Variants in KANSL1L observed in about 807,000 individuals in gnomAD.
The protein encoded by KANSL1L is KAT8 regulatory NSL complex subunit 1-like protein.
A neutral mutation model predicts 108.6 loss-of-function variants in KANSL1L; 25 were observed. The observed-to-expected ratio is 0.23, with a 90% CI of 0.17 to 0.32. The LOEUF is 0.32. KANSL1L is among the 10% of genes least tolerant of loss of function. The pLI, the probability that KANSL1L is intolerant of heterozygous loss-of-function variation, is 1.00. For synonymous variants in KANSL1L, 405 were observed against 395.1 expected, an observed-to-expected ratio of 1.03 and a Z score of -0.30; for missense variants, 1,137 against 1,125.7, an observed-to-expected ratio of 1.01 and a Z score of -0.14.
chr2:210,025,742 T>G (rs1047289478), intron 12 of KANSL1L, among the ~76,000 whole-genome samples: 1 of 152,144 alleles, frequency 6.6e-6, no homozygotes, highest in African/African-American at 2.4e-5. Flanking sequence ...TAGACACGGG[T>G]CTCTGTCGCC....
intron 2 of KANSL1L, among the ~76,000 whole-genome samples, chr2:210,146,071 T>C (rs1185681883): frequency 1.3e-5 from 2 of 152,098 alleles, no homozygotes; most frequent in Admixed American, 6.5e-5. Context: ...ATCACCTCAA[T>C]GGCAAAAGAT....
intron 6 of KANSL1L, among the ~76,000 whole-genome samples, chr2:210,072,343 T>A (rs1427045442): frequency 6.6e-6 from 1 of 152,234 alleles, no homozygotes; most frequent in African/African-American, 2.4e-5. Flanking sequence ...CTACACAGTG[T>A]TATCCTCCCT....
chr2:210,066,567 C>CA (rs1398265803), intron 6 of KANSL1L, among the ~76,000 whole-genome samples: 4 of 152,198 alleles, frequency 2.6e-5, no homozygotes, highest in Non-Finnish European at 5.9e-5. Flanking sequence ...CAAAAACCTA[C>CA]ACGGTGTCAC....
intron 5 of KANSL1L, among the ~76,000 whole-genome samples, chr2:210,077,895 A>G (rs2094553434): frequency 6.6e-6 from 1 of 152,236 alleles, no homozygotes; most frequent in Admixed American, 6.5e-5. Flanking sequence ...GCTGGCTTAA[A>G]GATAATTGGA....
chr2:210,161,138 G>A (rs868390012), intron 1 of KANSL1L, among the ~76,000 whole-genome samples: 2 of 151,766 alleles, frequency 1.3e-5, no homozygotes, highest in Admixed American at 1.3e-4. Flanking sequence ...ACAGGTACCC[G>A]CCATCATGCC....
intron 5 of KANSL1L, among the ~76,000 whole-genome samples, chr2:210,091,902 C>G (rs911866998): frequency 6.6e-6 from 1 of 152,166 alleles, no homozygotes. Context: ...GTTTGTCCTT[C>G]ACACTCAGAC....
chr2:210,042,166 A>C (rs1243532531), intron 7 of KANSL1L, among the ~76,000 whole-genome samples: 2 of 152,186 alleles, frequency 1.3e-5, no homozygotes, highest in Non-Finnish European at 2.9e-5. Flanking sequence ...GCCTTTCTTA[A>C]TACCCGCACG....
Position 210,136,619 on chromosome 2 carries a change from T to G in KANSL1L, c.1089-7447A>C, listed in dbSNP as rs181504376. On this transcript the variant is annotated intron_variant, in intron 2 of 14. Coordinates refer to ENST00000281772, the MANE Select transcript of KANSL1L (RefSeq NM_152519.4). ...ACCATGTAATGTTTTCAAACTGAAC[T>G]GTACACGGGCCTGGATGAAGATGCA... is the stretch of plus-strand genomic sequence containing the variant. Among the ~76,000 whole-genome samples the G allele has an allele frequency of 2.6e-5, 4 of 152,298 alleles. No individual in the cohort carries two copies. In the East Asian group the frequency reaches 7.7e-4, roughly 29 times the overall value.
At chr2:210,097,995 G>T (rs1575524555) in intron 5 of KANSL1L, 91 bp downstream of exon 5, 1 of 1,079,972 alleles carries the variant, frequency 9.3e-7, no homozygotes, top group East Asian at 2.8e-5. Flanking sequence ...AAAAAAAGTA[G>T]CTATAATACT....
intron 8 of KANSL1L, 44 bp downstream of exon 8, chr2:210,040,376 C>T: frequency 1.1e-6 from 1 of 869,890 alleles, no homozygotes; most frequent in South Asian, 1.4e-5. Context: ...AGTATAAAGA[C>T]ATAAAAAGGC....
At chr2:210,145,754 T>C (rs1264269637) in intron 2 of KANSL1L, among the ~76,000 whole-genome samples, 2 of 152,152 alleles carry the variant, frequency 1.3e-5, no homozygotes, top group African/African-American at 4.8e-5. Flanking sequence ...CCAATGTTCA[T>C]AGCAAAGCAA....
At chr2:210,031,771 T>C (rs1173656919) in intron 8 of KANSL1L, among the ~76,000 whole-genome samples, 3 of 152,210 alleles carry the variant, frequency 2.0e-5, no homozygotes, top group Admixed American at 6.5e-5. Flanking sequence ...GAAGATGATC[T>C]GTTCTCAAAG....
chr2:210,154,332 C>G lies in KANSL1L; in HGVS notation c.251G>C (p.Arg84Thr). 6.2e-7 allele frequency: 1 copy of G among 1,610,346 alleles called. No homozygotes were observed. The highest frequency in any genetic ancestry group is 1.3e-5 in the African/African-American group (1 of 74,578). Residue 84 changes from arginine (R) to threonine (T), a missense_variant, in exon 2 of 15, where the codon AGA becomes ACA. Physicochemically the swap from Arg to Thr is moderately conservative, Grantham distance 71 (BLOSUM62 -1). Transcript: ENST00000281772. ...GTGTTTATTTAATGTAGAATTAGATCTCATTAAAAAAACAGTCTGGTAATG... is the reference window on the plus strand; with the variant it reads ...GTGTTTATTTAATGTAGAATTAGATGTCATTAAAAAAACAGTCTGGTAATG... ...SKHYQTVFLMRSNSTLNKHNE... is the reference protein window; with the variant it reads ...SKHYQTVFLMTSNSTLNKHNE...
At chr2:210,129,221 T>C (rs1225012648) in intron 2 of KANSL1L, 49 bp from the exon 3 acceptor site, 1 of 1,496,660 alleles carries the variant, frequency 6.7e-7, no homozygotes, top group Non-Finnish European at 9.0e-7. Flanking sequence ...GCAATCAAGT[T>C]TCACAAACAC....
chr2:210,145,659 G>A (rs538279860), intron 2 of KANSL1L, among the ~76,000 whole-genome samples: 24 of 152,312 alleles, frequency 1.6e-4, no homozygotes, highest in African/African-American at 5.5e-4. Context: ...CAAAGGTTCT[G>A]GGGTCCAAGG....
chr2:210,043,293 G>A (rs2094187760), intron 7 of KANSL1L: 1 of 153,346 alleles, frequency 6.5e-6, no homozygotes, highest in Admixed American at 6.5e-5. Flanking sequence ...GGAGGCTGAG[G>A]TGGGAGGATT....
rs568664531 is a variant in KANSL1L at position 210,067,803 on chromosome 2, T to C, written c.1755+7749A>G. ...CAATGATTTTAAACACATTTTCATA[T>C]GTTTATTGGCCATTTGGATATCCTC... On this transcript the variant is annotated intron_variant, in intron 6 of 14. Transcript: ENST00000281772. Among the ~76,000 whole-genome samples, 5 of 151,996 alleles carry C rather than the reference T, an allele frequency of 3.3e-5. No individual in the cohort carries two copies. The East Asian group carries it at 7.7e-4, about 23-fold the overall frequency.
At chr2:210,081,970 T>C (rs1469952005) in intron 5 of KANSL1L, among the ~76,000 whole-genome samples, 1 of 152,194 alleles carries the variant, frequency 6.6e-6, no homozygotes, top group Middle Eastern at 3.2e-3. Flanking sequence ...TCTCATTCTG[T>C]CTCCCAGGCT....
At chr2:210,030,326 T>G (rs551211609) in intron 9 of KANSL1L, among the ~76,000 whole-genome samples, 7 of 152,062 alleles carry the variant, frequency 4.6e-5, no homozygotes, top group African/African-American at 1.4e-4. Context: ...CACTCTTAAT[T>G]TTTTGAAAAA....
Sources: gnomAD v4.1 joint callset for allele counts (sites outside exome capture counted in the v4.1 genomes callset) on GRCh38, gnomAD v4.1.1 for gene constraint, MANE v1.5 for transcripts, NCBI Gene and HGNC (gene_info 2026-07-23, HGNC 2026-07-21) for gene names.